The following EPHA5 variants were observed in gnomAD, a reference collection of about 807,000 sequenced individuals.
The protein encoded by EPHA5 is EPH receptor A5.
In EPHA5, 60 loss-of-function variants were observed where a neutral mutation model predicts 105.0. The ratio of observed to expected loss-of-function variants is 0.57; its 90% CI spans 0.46 to 0.71. EPHA5 has a LOEUF of 0.71. Among genes scored for constraint, EPHA5 ranks in the 30% least tolerant of loss-of-function variants. The pLI, the probability that EPHA5 is intolerant of heterozygous loss-of-function variation, is 0.00. For missense variants in EPHA5, 1,218 were observed against 1,274.7 expected, an observed-to-expected ratio of 0.96 and a Z score of 0.68; for synonymous variants, 513 against 449.1, an observed-to-expected ratio of 1.14 and a Z score of -1.80.
At chr4:65,480,603 C>G (rs945737681) in intron 5 of EPHA5, among the ~76,000 whole-genome samples, 1 of 152,076 alleles carries the variant, frequency 6.6e-6, no homozygotes, top group East Asian at 1.9e-4. Flanking sequence ...AGTTTGAGAT[C>G]CAGAAACGGC....
At chr4:65,327,604 T>G (rs1577814566) in intron 16 of EPHA5, among the ~76,000 whole-genome samples, 1 of 151,450 alleles carries the variant, frequency 6.6e-6, no homozygotes, top group African/African-American at 2.4e-5. Context: ...ACTATAATAA[T>G]GCATGCAACG....
chr4:65,383,115 C>T (rs1334456937), intron 8 of EPHA5, among the ~76,000 whole-genome samples: 1 of 149,212 alleles, frequency 6.7e-6, no homozygotes. Context: ...GTATTAAAAA[C>T]ATATATATCA....
At chr4:65,475,025 T>C (rs1175942891) in intron 5 of EPHA5, among the ~76,000 whole-genome samples, 1 of 152,120 alleles carries the variant, frequency 6.6e-6, no homozygotes, top group South Asian at 2.1e-4. Context: ...GATGTGTACA[T>C]TTGATAAAGG....
At chr4:65,614,576 CT>C (rs1276653615) in intron 2 of EPHA5, among the ~76,000 whole-genome samples, 4 of 151,736 alleles carry the variant, frequency 2.6e-5, no homozygotes, top group Non-Finnish European at 4.4e-5. Context: ...TAGAGGGCTC[CT>C]GGATATCACA....
At chr4:65,344,465 C>A (rs765096136) in intron 14 of EPHA5, among the ~76,000 whole-genome samples, 1 of 152,090 alleles carries the variant, frequency 6.6e-6, no homozygotes, top group Non-Finnish European at 1.5e-5. Context: ...TTCCTTATAA[C>A]GTGGATGATC....
intron 3 of EPHA5, among the ~76,000 whole-genome samples, chr4:65,505,845 AT>A (rs1732958244): frequency 6.6e-6 from 1 of 151,832 alleles, no homozygotes; most frequent in Non-Finnish European, 1.5e-5. Flanking sequence ...TTTTCCTTTT[AT>A]TTATTTATTT....
intron 3 of EPHA5, among the ~76,000 whole-genome samples, chr4:65,555,063 T>TTTAATCTTTTG (rs202115165): frequency 0.014 from 2,139 of 151,192 alleles, 42 homozygotes; most frequent in African/African-American, 0.049. Flanking sequence ...CACAGGTTAT[T>TTTAATCTTTTG]TTAATCTTTT....
At chr4:65,649,586 A>G (rs1385246215) in intron 1 of EPHA5, among the ~76,000 whole-genome samples, 1 of 152,182 alleles carries the variant, frequency 6.6e-6, no homozygotes, top group Non-Finnish European at 1.5e-5. Context: ...CATCCAGTAA[A>G]TGTCCTATCT....
chr4:65,589,915 T>C (rs890049068), intron 3 of EPHA5, among the ~76,000 whole-genome samples: 1 of 152,214 alleles, frequency 6.6e-6, no homozygotes, highest in Admixed American at 6.6e-5. Context: ...AAATAAAACT[T>C]TGATAGTCTC....
intron 8 of EPHA5, among the ~76,000 whole-genome samples, chr4:65,391,800 C>G (rs1349754816): frequency 2.0e-5 from 3 of 152,086 alleles, no homozygotes; most frequent in Non-Finnish European, 4.4e-5. Context: ...GTATTTTGCT[C>G]TTGTGGTTAG....
chr4:65,578,551 G>A (rs929032208), intron 3 of EPHA5, among the ~76,000 whole-genome samples: 2 of 152,152 alleles, frequency 1.3e-5, no homozygotes, highest in Non-Finnish European at 2.9e-5. Context: ...AATGTTGACA[G>A]TAATCAGTTC....
At chr4:65,657,045 C>A (rs1749141368) in intron 1 of EPHA5, among the ~76,000 whole-genome samples, 1 of 150,794 alleles carries the variant, frequency 6.6e-6, no homozygotes, top group Non-Finnish European at 1.5e-5. Flanking sequence ...ACATTTTAAA[C>A]TTTCTTCCAC....
intron 3 of EPHA5, among the ~76,000 whole-genome samples, chr4:65,537,564 C>T (rs186888447): frequency 1.1e-3 from 160 of 151,716 alleles, no homozygotes; most frequent in African/African-American, 2.3e-3. Flanking sequence ...TAGTTTAGAA[C>T]CATTTCCTAC....
intron 1 of EPHA5, among the ~76,000 whole-genome samples, chr4:65,663,405 A>T (rs1360949034): frequency 6.6e-6 from 1 of 151,992 alleles, no homozygotes; most frequent in East Asian, 1.9e-4. Flanking sequence ...TTCTTTTATG[A>T]CTTTGTAACA....
At chr4:65,423,658 T>G (rs1021962561) in intron 5 of EPHA5, among the ~76,000 whole-genome samples, 1 of 148,584 alleles carries the variant, frequency 6.7e-6, no homozygotes, top group African/African-American at 2.5e-5. Flanking sequence ...CCCATCATTA[T>G]GGGTTTGTCT....
At chr4:65,485,950 C>G (rs1028300922) in intron 5 of EPHA5, among the ~76,000 whole-genome samples, 1 of 152,058 alleles carries the variant, frequency 6.6e-6, no homozygotes, top group African/African-American at 2.4e-5. Flanking sequence ...AGGGAAACTC[C>G]TTTTCAAAAG....
intron 5 of EPHA5, among the ~76,000 whole-genome samples, chr4:65,442,886 TCA>T (rs1345880014): frequency 6.6e-6 from 1 of 152,140 alleles, no homozygotes; most frequent in African/African-American, 2.4e-5. Context: ...CTTGTGGCAG[TCA>T]GAGTCACTGC....
chr4:65,656,587 T>TTA (rs1292689773), intron 1 of EPHA5, among the ~76,000 whole-genome samples: 12 of 147,214 alleles, frequency 8.2e-5, no homozygotes, highest in African/African-American at 2.2e-4. Flanking sequence ...TATATATATA[T>TTA]TATATATATA....
In EPHA5 at chr4:65,418,862, C is replaced by CTTTTTTTTTTTTTTTTTTTT. The variant is rs575608289; in HGVS notation, c.1527+1559_1527+1578dup. On this transcript the variant is annotated intron_variant, in intron 6 of 16. Coordinates refer to ENST00000613740, the MANE Select transcript of EPHA5 (RefSeq NM_001281766.3). ...AACATTCAATACACTTACCTAAACT[C>CTTTTTTTTTTTTTTTTTTTT]TTTTTTTTTTTTTTTTTTTTTTTTT... Among the ~76,000 whole-genome samples, 28 of 47,072 alleles carry CTTTTTTTTTTTTTTTTTTTT rather than the reference C, an allele frequency of 5.9e-4. 5 individuals are homozygous for CTTTTTTTTTTTTTTTTTTTT. The highest frequency in any genetic ancestry group is 7.1e-4 in the Non-Finnish European group (20 of 28,350). The allele number at this position is 47,072 out of a possible 152,430, so 30.9% of individuals were successfully genotyped here.
Sources: allele counts gnomAD v4.1 joint callset (sites outside exome capture counted in the v4.1 genomes callset), GRCh38; gene constraint gnomAD v4.1.1; transcripts MANE v1.5; gene names NCBI Gene and HGNC (gene_info 2026-07-23, HGNC 2026-07-21).